The following TBXA2R variants were observed in gnomAD, a reference collection of about 807,000 sequenced individuals.
TBXA2R encodes the protein thromboxane A2 receptor, also known as prostanoid TP receptor.
TBXA2R carries 15 observed loss-of-function variants against 15.6 expected under a neutral mutation model. The observed-to-expected ratio is 0.96, with a 90% CI of 0.64 to 1.48. The LOEUF (loss-of-function observed/expected upper bound fraction) is 1.48. TBXA2R is among the 40% of genes most tolerant of loss of function. The probability of loss-of-function intolerance (pLI) is 0.00; values close to 1 mark genes in which losing one functional copy is unlikely to be tolerated. For synonymous variants in TBXA2R, 280 were observed against 241.2 expected (o/e 1.16, Z -1.49); for missense variants, 506 against 491.4 (o/e 1.03, Z -0.28).
intron 2 of TBXA2R, 126 bp from the exon 3 acceptor site, chr19:3,596,059 C>CAAAA: frequency 8.1e-7 from 1 of 1,240,820 alleles, no homozygotes; most frequent in Non-Finnish European, 1.1e-6. Flanking sequence ...GACAGGGTCT[C>CAAAA]ACTCTGTCGT....
At position 3,600,621 on chromosome 19, in the gene TBXA2R, C is replaced by T. The variant is rs1388619731; in HGVS notation, c.14G>A (p.Gly5Asp). The T allele has an allele frequency of 2.5e-6, 4 of 1,612,646 alleles. No homozygotes were observed. The highest frequency in any genetic ancestry group is 2.2e-5 in the South Asian group (2 of 91,066). MWPN[G>D]SSLGPCFRPT... is the part of the protein sequence containing the mutation. ...CCGGAAACAGGGCCCCAGGGAACTG[C>T]CGTTGGGCCACATGGCTCCGGAGCC... The change falls in exon 2 of 3, where the codon GGC becomes GAC. Residue 5 changes from glycine to aspartate, a missense_variant. By Grantham distance (94) the Gly-to-Asp change is moderately conservative. Coordinates refer to ENST00000375190, the MANE Select transcript of TBXA2R (RefSeq NM_001060.6).
In TBXA2R at chr19:3,595,384, A is replaced by C; in HGVS notation, c.*304T>G. On this transcript the variant is annotated 3_prime_UTR_variant, in exon 3 of 3. Transcript: ENST00000375190. ...ACAGAGCAAGACTCCGTCTAAAAAA[A>C]AAAATAGCAATGCAAGACCCTCTTC... 7 of 1,374,634 alleles carry C rather than the reference A, an allele frequency of 5.1e-6. No homozygotes were observed. The highest frequency in any genetic ancestry group is 6.5e-6 in the Non-Finnish European group (7 of 1,069,888). The allele number at this position is 1,374,634 out of a possible 1,614,324, so 85.2% of individuals were successfully genotyped here.
chr19:3,601,165 G>A (rs2032732299), intron 1 of TBXA2R, among the ~76,000 whole-genome samples: 1 of 152,138 alleles, frequency 6.6e-6, no homozygotes, highest in Non-Finnish European at 1.5e-5. Flanking sequence ...CCCAGGGATG[G>A]TTGGTAGAGA....
At position 3,599,873 on chromosome 19, in the gene TBXA2R, G is replaced by A; in HGVS notation, c.762C>T (p.Ala254=). 1 of 1,549,180 alleles carries A rather than the reference G, an allele frequency of 6.5e-7. No individual in the cohort carries two copies. The highest frequency in any genetic ancestry group is 8.7e-7 in the Non-Finnish European group (1 of 1,146,992). ...CCAGAAGGGGCAGCCAACACACGCT[G>A]GCCACCACCATGATCCCCAGGAGCT... ...MAQLLGIMVV[A]SVCWLPLLVF... is the part of the protein sequence containing the mutation. The change falls in exon 2 of 3, where the codon GCC becomes GCT. Residue 254 remains alanine, a synonymous_variant. Coordinates refer to ENST00000375190, the MANE Select transcript of TBXA2R (RefSeq NM_001060.6).
intron 1 of TBXA2R, among the ~76,000 whole-genome samples, chr19:3,605,211 C>A (rs547856600): frequency 1.3e-5 from 2 of 152,284 alleles, no homozygotes; most frequent in South Asian, 4.1e-4. Context: ...TACGGAGCTC[C>A]GTCACACAGG....
At position 3,603,015 on chromosome 19, in the gene TBXA2R, G is replaced by A. The variant is rs1275984681; in HGVS notation, c.-83-2298C>T. Reference sequence around the variant, plus strand: ...CGCGCCACTGCCCTCCAGCCTGGGCGACAGAGCGAGACTCCATCTCAAAAA... The same window carrying A: ...CGCGCCACTGCCCTCCAGCCTGGGCAACAGAGCGAGACTCCATCTCAAAAA... On this transcript the variant is annotated intron_variant, in intron 1 of 2. Coordinates refer to ENST00000375190, the MANE Select transcript of TBXA2R (RefSeq NM_001060.6). Among the ~76,000 whole-genome samples, 10 of 149,676 alleles carry A rather than the reference G, an allele frequency of 6.7e-5. No individual in the cohort carries two copies. In the South Asian group the frequency reaches 1.3e-3, roughly 19 times the overall value.
chr19:3,602,085 G>A (rs1445380631), intron 1 of TBXA2R, among the ~76,000 whole-genome samples: 1 of 152,176 alleles, frequency 6.6e-6, no homozygotes, highest in African/African-American at 2.4e-5. Flanking sequence ...GCCGGGCGTG[G>A]TGGCGGGAGC....
intron 1 of TBXA2R, among the ~76,000 whole-genome samples, chr19:3,602,912 C>T (rs1184249420): frequency 1.9e-4 from 29 of 150,962 alleles, no homozygotes; most frequent in Admixed American, 1.1e-3. Context: ...GGCGGGCGCC[C>T]GTAGTCCCAG....
At chr19:3,597,421 CTTTG>C (rs34503102) in intron 2 of TBXA2R, among the ~76,000 whole-genome samples, 76,870 of 150,822 alleles carry the variant, frequency 0.51, 20,165 homozygotes, top group Non-Finnish European at 0.55. Flanking sequence ...TATTAAAATA[CTTTG>C]TTTGAGATCA....
At chr19:3,599,283 G>A (rs1185263173) in intron 2 of TBXA2R, among the ~76,000 whole-genome samples, 1 of 149,534 alleles carries the variant, frequency 6.7e-6, no homozygotes, top group Non-Finnish European at 1.5e-5. Flanking sequence ...ACCTCTCAAA[G>A]TGCTGGGATT....
At chr19:3,605,985 AAC>A in intron 1 of TBXA2R, among the ~76,000 whole-genome samples, 1 of 152,160 alleles carries the variant, frequency 6.6e-6, no homozygotes, top group Non-Finnish European at 1.5e-5. Flanking sequence ...CACAGGCAGA[AAC>A]ACAACAGGTA....
At chr19:3,599,762 C>T (rs984815965) in intron 2 of TBXA2R, 87 bp downstream of exon 2, 13 of 1,535,882 alleles carry the variant, frequency 8.5e-6, no homozygotes, top group East Asian at 7.3e-5. Context: ...CCACCGCGCC[C>T]GGTCCCACCA....
chr19:3,605,644 T>C lies in TBXA2R; in HGVS notation c.-84+886A>G, dbSNP rs1303111540. Reference sequence around the variant, plus strand: ...CCACAGACACACCCAGACAGAAACATGACAGACACACAGGCAGAAATGTGA... The same window carrying C: ...CCACAGACACACCCAGACAGAAACACGACAGACACACAGGCAGAAATGTGA... On this transcript the variant is annotated intron_variant, in intron 1 of 2. Coordinates refer to ENST00000375190, the MANE Select transcript of TBXA2R (RefSeq NM_001060.6). Among the ~76,000 whole-genome samples, 6 of 115,830 alleles carry C rather than the reference T, an allele frequency of 5.2e-5. No individual in the cohort carries two copies. The South Asian group carries it at 8.3e-4, about 16-fold the overall frequency. The allele number at this position is 115,830 out of a possible 152,430, so 76.0% of individuals were successfully genotyped here.
At chr19:3,604,682 C>T (rs547891819) in intron 1 of TBXA2R, among the ~76,000 whole-genome samples, 8 of 152,270 alleles carry the variant, frequency 5.3e-5, no homozygotes, top group South Asian at 4.1e-4. Context: ...TCAGTTTCCC[C>T]GCTCTGTGCA....
intron 1 of TBXA2R, among the ~76,000 whole-genome samples, chr19:3,603,383 TG>T (rs2032774453): frequency 6.6e-6 from 1 of 152,202 alleles, no homozygotes; most frequent in Non-Finnish European, 1.5e-5. Context: ...AACTGAGGCC[TG>T]GAGAGCAGAT....
In TBXA2R at chr19:3,594,918, TC is replaced by T; in HGVS notation, c.*769del. 6.5e-7 allele frequency: 1 copy of T among 1,536,524 alleles called. No individual in the cohort carries two copies. Among genetic ancestry groups the T allele is most frequent in the Non-Finnish European group, 8.7e-7 (1 of 1,146,820 alleles). On this transcript the variant is annotated 3_prime_UTR_variant, in exon 3 of 3. Coordinates refer to ENST00000375190, the MANE Select transcript of TBXA2R (RefSeq NM_001060.6). ...CCCAGCAAGTAGGTCAAATTCAGGG[TC>T]AAAGAGCATGCAAGGCCGGGCGCAG...
rs1487034816 is a variant in TBXA2R at position 3,600,040 on chromosome 19, G to T, written c.595C>A (p.Leu199Ile). The change falls in exon 2 of 3, where the codon CTC (leucine) becomes ATC (isoleucine). Residue 199 changes from leucine to isoleucine, a missense_variant. Leu to Ile is a conservative substitution (Grantham distance 5). Transcript: ENST00000375190. ...AESGDVAFGL[L>I]FSMLGGLSVG... ...GAGAGGCCGCCCAGCATGGAGAAGA[G>T]CAGCCCGAAGGCCACGTCCCCGGAC... The T allele has an allele frequency of 6.2e-7, 1 of 1,612,464 alleles. No individual in the cohort carries two copies. Among genetic ancestry groups the T allele is most frequent in the Admixed American group, 1.7e-5 (1 of 59,972 alleles).
Position 3,595,303 on chromosome 19 carries a change from C to G in TBXA2R, c.*385G>C. On this transcript the variant is annotated 3_prime_UTR_variant, in exon 3 of 3. Coordinates refer to ENST00000375190, the MANE Select transcript of TBXA2R (RefSeq NM_001060.6). ...CTGAGGCAGGAGAATCGCTTGAACC[C>G]GGGAGGTGGAGGTTGCAGTGAGCTG... is the stretch of plus-strand genomic sequence containing the variant. The G allele has an allele frequency of 1.6e-6, 2 of 1,241,828 alleles. No homozygotes were observed. Among genetic ancestry groups the G allele is most frequent in the Non-Finnish European group, 2.1e-6 (2 of 963,276 alleles). 76.9% of individuals were successfully genotyped at this position (1,241,828 alleles called of 1,614,324 possible).
intron 2 of TBXA2R, among the ~76,000 whole-genome samples, chr19:3,598,763 G>A (rs538029244): frequency 2.6e-5 from 4 of 152,188 alleles, no homozygotes; most frequent in African/African-American, 4.8e-5. Context: ...CCGCCTCCTG[G>A]GTTCAAGCGA....
Sources: gnomAD v4.1 joint callset for allele counts (sites outside exome capture counted in the v4.1 genomes callset) on GRCh38, gnomAD v4.1.1 for gene constraint, MANE v1.5 for transcripts, NCBI Gene and HGNC (gene_info 2026-07-23, HGNC 2026-07-21) for gene names.